Variants in RBFOX1 observed in about 807,000 individuals in gnomAD.
RBFOX1 encodes the protein RNA binding fox-1 homolog 1, also known as RNA binding protein fox-1 homolog 1.
RBFOX1 carries 8 observed loss-of-function variants against 57.7 expected under a neutral mutation model. The observed-to-expected ratio is 0.14, with a 90% CI of 0.08 to 0.25. RBFOX1 has a LOEUF of 0.25. Among genes scored for constraint, RBFOX1 ranks in the 10% least tolerant of loss-of-function variants. The pLI is 1.00. For synonymous variants in RBFOX1, 326 were observed against 222.4 expected (o/e 1.47, Z -4.15); for missense variants, 611 against 548.5 (o/e 1.11, Z -1.14).
intron 4 of RBFOX1, among the ~76,000 whole-genome samples, chr16:7,470,495 G>T (rs1317175667): frequency 6.6e-6 from 1 of 152,062 alleles, no homozygotes; most frequent in Non-Finnish European, 1.5e-5. Context: ...TTGAATGGAT[G>T]GAAGAATGGT....
At chr16:6,525,300 A>C (rs2096563305) in intron 2 of RBFOX1, among the ~76,000 whole-genome samples, 1 of 152,150 alleles carries the variant, frequency 6.6e-6, no homozygotes, top group South Asian at 2.1e-4. Context: ...CTTACTGGGG[A>C]GTATGTGATG....
At chr16:5,829,242 G>A (rs1457616786) in intron 3 of RBFOX1, among the ~76,000 whole-genome samples, 1 of 152,212 alleles carries the variant, frequency 6.6e-6, no homozygotes, top group Non-Finnish European at 1.5e-5. Context: ...TGCAGAGGCT[G>A]AAGGCCGCAG....
intron 1 of RBFOX1, among the ~76,000 whole-genome samples, chr16:5,359,635 C>A (rs1267025324): frequency 6.6e-6 from 1 of 152,058 alleles, no homozygotes; most frequent in Non-Finnish European, 1.5e-5. Context: ...CTATTCAAAT[C>A]TTTTGCCTAT....
intron 13 of RBFOX1, among the ~76,000 whole-genome samples, chr16:7,668,672 A>ACT (rs2070298142): frequency 6.6e-6 from 1 of 151,922 alleles, no homozygotes; most frequent in Admixed American, 6.6e-5. Context: ...ACACACACAC[A>ACT]CACACACACT....
intron 3 of RBFOX1, among the ~76,000 whole-genome samples, chr16:6,936,175 C>T (rs1031925594): frequency 6.6e-5 from 10 of 151,966 alleles, no homozygotes; most frequent in African/African-American, 9.7e-5. Context: ...GCAGTCATTG[C>T]GAGTTGTGCA....
At chr16:6,015,931 C>A (rs1287018180), upstream of RBFOX1, among the ~76,000 whole-genome samples, 2 of 152,196 alleles carry the variant, frequency 1.3e-5, no homozygotes, top group African/African-American at 4.8e-5. Context: ...AAATGGTTTA[C>A]ATGGGGGACT....
intron 3 of RBFOX1, among the ~76,000 whole-genome samples, chr16:6,747,480 C>CTGTT (rs1369726568): frequency 2.6e-5 from 4 of 151,882 alleles, no homozygotes; most frequent in South Asian, 4.2e-4. Context: ...GTCTGTTTAT[C>CTGTT]TATCTGTCTA....
intron 3 of RBFOX1, among the ~76,000 whole-genome samples, chr16:6,894,187 T>C (rs527689460): frequency 2.0e-4 from 30 of 152,354 alleles, no homozygotes; most frequent in African/African-American, 7.2e-4. Context: ...CTGTCCTTTT[T>C]ATTCAAAGTA....
chr16:6,457,325 G>A (rs1376220280), intron 2 of RBFOX1, among the ~76,000 whole-genome samples: 1 of 151,970 alleles, frequency 6.6e-6, no homozygotes, highest in Non-Finnish European at 1.5e-5. Context: ...GCCAATGGAA[G>A]CCATGGCATT....
At chr16:7,359,986 A>AAAAAAAAC (rs1267037421) in intron 4 of RBFOX1, among the ~76,000 whole-genome samples, 2 of 151,890 alleles carry the variant, frequency 1.3e-5, no homozygotes, top group African/African-American at 4.8e-5. Context: ...TCTGTCTCAA[A>AAAAAAAAC]AAAAAACAAA....
chr16:6,683,383 G>T (rs2058956674), intron 3 of RBFOX1, among the ~76,000 whole-genome samples: 1 of 152,092 alleles, frequency 6.6e-6, no homozygotes, highest in Non-Finnish European at 1.5e-5. Flanking sequence ...TTGTGGTTAT[G>T]TAGGAGACTG....
intron 3 of RBFOX1, among the ~76,000 whole-genome samples, chr16:6,989,890 A>C (rs1275904586): frequency 6.6e-6 from 1 of 151,924 alleles, no homozygotes; most frequent in African/African-American, 2.4e-5. Context: ...AATCCCAGCT[A>C]CTCGGGAGTC....
At chr16:5,785,523 C>T (rs1391780483) in intron 3 of RBFOX1, among the ~76,000 whole-genome samples, 1 of 151,644 alleles carries the variant, frequency 6.6e-6, no homozygotes, top group African/African-American at 2.4e-5. Flanking sequence ...TTCTTTCTTT[C>T]TTTCTTTCTT....
chr16:6,004,600 T>C (rs954624029), intron 4 of RBFOX1, among the ~76,000 whole-genome samples: 3 of 152,204 alleles, frequency 2.0e-5, no homozygotes, highest in African/African-American at 4.8e-5. Flanking sequence ...ATGCTATTCA[T>C]TTAACATGCA....
At chr16:6,986,184 T>TTTGTTTA (rs752491485) in intron 3 of RBFOX1, among the ~76,000 whole-genome samples, 1 of 144,142 alleles carries the variant, frequency 6.9e-6, no homozygotes. Context: ...CAATTTCTAT[T>TTTGTTTA]TTTATTTATT....
At chr16:7,002,323 A>G (rs577336930) in intron 3 of RBFOX1, among the ~76,000 whole-genome samples, 1 of 152,320 alleles carries the variant, frequency 6.6e-6, no homozygotes, top group East Asian at 1.9e-4. Context: ...CTCTAAAGCT[A>G]TTTTGTGTTT....
chr16:5,953,573 T>C (rs951935095), intron 4 of RBFOX1, among the ~76,000 whole-genome samples: 2 of 152,100 alleles, frequency 1.3e-5, no homozygotes, highest in African/African-American at 2.4e-5. Flanking sequence ...CTCCCACTTA[T>C]GAGTGAGAAC....
Position 7,409,917 on chromosome 16 carries a change from G to T in RBFOX1, c.28-108230G>T, listed in dbSNP as rs141940409. 6.8e-4 allele frequency among the ~76,000 whole-genome samples: 103 copies of T among 152,256 alleles called. No homozygotes were observed. In the East Asian group the frequency reaches 0.02, roughly 29 times the overall value. On this transcript the variant is annotated intron_variant, in intron 4 of 15. Coordinates refer to ENST00000550418, the MANE Select transcript of RBFOX1 (RefSeq NM_018723.4). ...GGCAATGTCTTAAATGAGGGGAGGG[G>T]TCTTATCGAGGAGGCTGTGCCTGTG...
At chr16:6,098,952 C>T (rs549996872) in intron 1 of RBFOX1, among the ~76,000 whole-genome samples, 2 of 152,276 alleles carry the variant, frequency 1.3e-5, no homozygotes, top group Admixed American at 1.3e-4. Flanking sequence ...ACTTCGTAAG[C>T]CACCTTCTGT....
Sources: gnomAD v4.1 joint callset for allele counts (sites outside exome capture counted in the v4.1 genomes callset) on GRCh38, gnomAD v4.1.1 for gene constraint, MANE v1.5 for transcripts, NCBI Gene and HGNC (gene_info 2026-07-23, HGNC 2026-07-21) for gene names.